ZMYM6: variants seen among roughly 807,000 people sequenced by gnomAD.
ZMYM6 encodes the protein zinc finger MYM-type protein 6.
ZMYM6 carries 90 observed loss-of-function variants against 134.0 expected under a neutral mutation model. The observed-to-expected ratio is 0.67, with a 90% confidence interval of 0.57 to 0.80. ZMYM6 has a LOEUF of 0.80. ZMYM6 is among the 30% of genes least tolerant of loss of function. The pLI, the probability that ZMYM6 is intolerant of heterozygous loss-of-function variation, is 0.00. For synonymous variants in ZMYM6, 481 were observed against 524.1 expected (o/e 0.92, Z 1.12); for missense variants, 1,362 against 1,533.9 (o/e 0.89, Z 1.87).
chr1:35,010,669 C>A, intron 9 of ZMYM6, 72 bp from the exon 10 acceptor site: 1 of 1,547,836 alleles, frequency 6.5e-7, no homozygotes, highest in Non-Finnish European at 8.7e-7. Context: ...CTTTTCATGT[C>A]AAAGCAAATT....
chr1:34,987,448 T>A lies in ZMYM6; in HGVS notation c.3634A>T (p.Asn1212Tyr). ...ATAAAAGGGTGAATTATCCACAAATTTCCTGAACGCAAGTCTTGTTCTGGT... is the reference window on the plus strand; with the variant it reads ...ATAAAAGGGTGAATTATCCACAAATATCCTGAACGCAAGTCTTGTTCTGGT... ...FPPEQDLRSG[N>Y]LWIIHPFMNH... Residue 1212 changes from asparagine (N) to tyrosine (Y), a missense_variant, in exon 16 of 16, where the codon AAT (asparagine) becomes TAT (tyrosine). By Grantham distance (143) the Asn-to-Tyr change is moderately radical (BLOSUM62 -2). Transcript: ENST00000357182. The A allele has an allele frequency of 6.2e-7, 1 of 1,613,912 alleles. No homozygotes were observed. Among genetic ancestry groups the A allele is most frequent in the Non-Finnish European group, 8.5e-7 (1 of 1,179,956 alleles).
chr1:35,028,500 T>A (rs1163961693), intron 2 of ZMYM6, among the ~76,000 whole-genome samples: 1 of 151,578 alleles, frequency 6.6e-6, no homozygotes, highest in Non-Finnish European at 1.5e-5. Context: ...TCCCATTGAT[T>A]TTATTTTATT....
chr1:35,012,505 T>C lies in ZMYM6; in HGVS notation c.872A>G (p.Asp291Gly). ...PSAEMIETTNDSGKTELFCSI... is the reference protein window; with the variant it reads ...PSAEMIETTNGSGKTELFCSI... ...GCAGAAAAGCTCTGTTTTTCCTGAA[T>C]CATTTGTAGTCTCAATCATTTCAGC... The change falls in exon 7 of 16, where the codon GAT (aspartate) becomes GGT (glycine). Residue 291 changes from aspartate (D) to glycine (G), a missense_variant. Transcript: ENST00000357182. 6.2e-7 allele frequency: 1 copy of C among 1,613,330 alleles called. No homozygotes were observed.
Position 34,987,898 on chromosome 1 carries a change from CA to C in ZMYM6, c.3183del (p.His1061GlnfsTer2). 6.4e-7 allele frequency: 1 copy of C among 1,551,708 alleles called. No homozygotes were observed. Among genetic ancestry groups the C allele is most frequent in the Non-Finnish European group, 8.7e-7 (1 of 1,146,984 alleles). On this transcript the variant is annotated frameshift_variant, in exon 16 of 16. Coordinates refer to ENST00000357182, the MANE Select transcript of ZMYM6 (RefSeq NM_007167.4). LOFTEE classifies it high-confidence loss of function. The stretch of plus-strand genomic sequence containing the variant: ...ACTTCAGCATGAAGCGGTAAACTCA[CA>C]TGCTCAGATCCCATCTCTTCACACA... Reference protein sequence around the residue: ...TILCEEMGSEHVSLPLHAEVR... With the variant: ...TILCEEMGSEXVSLPLHAEVR...
chr1:35,007,210 T>C, intron 11 of ZMYM6, 112 bp from the exon 12 acceptor site: 1 of 1,041,206 alleles, frequency 9.6e-7, no homozygotes, highest in Non-Finnish European at 1.3e-6. Context: ...CAGTTGAGAC[T>C]ACAAAATGTA....
intron 15 of ZMYM6, 148 bp from the exon 16 acceptor site, chr1:34,989,083 ATAC>A (rs1640622100): frequency 6.9e-7 from 1 of 1,438,872 alleles, no homozygotes; most frequent in African/African-American, 1.4e-5. Context: ...ACAAGTCATA[ATAC>A]TTCCAATGAT....
At position 35,030,617 on chromosome 1, in the gene ZMYM6, T is replaced by C; in HGVS notation, c.23A>G (p.Glu8Gly). The C allele has an allele frequency of 6.2e-7, 1 of 1,613,744 alleles. No individual in the cohort carries two copies. Among genetic ancestry groups the C allele is most frequent in the South Asian group, 1.1e-5 (1 of 91,000 alleles). ...CTGTGGTACCACTGCTTTGCCACAT[T>C]CACCATCCAAAGGTTCTTTCATTCT... Reference protein sequence around the residue: MKEPLDGECGKAVVPQQE... With the variant: MKEPLDGGCGKAVVPQQE... Residue 8 changes from glutamate (E) to glycine (G), a missense_variant, in exon 2 of 16, where the codon GAA becomes GGA. Physicochemically the swap from Glu to Gly is moderately conservative, Grantham distance 98 (BLOSUM62 -2). Coordinates refer to ENST00000357182, the MANE Select transcript of ZMYM6 (RefSeq NM_007167.4).
chr1:35,019,425 C>T lies in ZMYM6; in HGVS notation c.356G>A (p.Arg119Gln), dbSNP rs775201778. Reference protein sequence around the residue: ...TGSTQLFCSTRCITRHSSPAC... With the variant: ...TGSTQLFCSTQCITRHSSPAC... The stretch of plus-strand genomic sequence containing the variant: ...AGGTGAAGAATGTCTGGTGATGCAT[C>T]GTGTGGAGCAGAAGAGCTGAGTAGA... The change falls in exon 4 of 16, where the codon CGA becomes CAA. Residue 119 changes from arginine to glutamine, a missense_variant. This residue lies in a region of ZMYM6 where 503 missense variants were observed against 520.8 expected (regional missense o/e 0.97). Transcript: ENST00000357182. 2.5e-6 allele frequency: 4 copies of T among 1,613,946 alleles called. No individual in the cohort carries two copies. Among genetic ancestry groups the T allele is most frequent in the East Asian group, 2.2e-5 (1 of 44,886 alleles).
chr1:35,014,282 T>C (rs549746241), intron 6 of ZMYM6, among the ~76,000 whole-genome samples: 1 of 152,292 alleles, frequency 6.6e-6, no homozygotes. Context: ...TCACAAAATA[T>C]TTCATGCTCA....
At chr1:35,025,726 A>G (rs1178870750) in intron 2 of ZMYM6, among the ~76,000 whole-genome samples, 1 of 152,098 alleles carries the variant, frequency 6.6e-6, no homozygotes, top group East Asian at 1.9e-4. Flanking sequence ...AGTAACTAAT[A>G]CAGTTTACCA....
intron 2 of ZMYM6, among the ~76,000 whole-genome samples, chr1:35,022,655 A>T (rs1641331403): frequency 6.6e-6 from 1 of 152,232 alleles, no homozygotes; most frequent in Non-Finnish European, 1.5e-5. Context: ...GGTCCAACTG[A>T]AATTAAGTTC....
At chr1:35,017,825 C>T (rs779546572) in intron 4 of ZMYM6, 2 of 151,936 alleles carry the variant, frequency 1.3e-5, no homozygotes, top group Non-Finnish European at 2.9e-5. Flanking sequence ...AAGTCACTGA[C>T]GGGGGTGACT....
At chr1:35,013,441 CAG>C (rs1641125210) in intron 6 of ZMYM6, 1 of 983,886 alleles carries the variant, frequency 1.0e-6, no homozygotes. Flanking sequence ...AGTAAAAAGA[CAG>C]AGTACAATAC....
chr1:34,999,763 G>A (rs181077223), intron 14 of ZMYM6, among the ~76,000 whole-genome samples: 145 of 152,168 alleles, frequency 9.5e-4, no homozygotes, highest in African/African-American at 3.0e-3. Flanking sequence ...CTAAATGATG[G>A]TGAGGCTGTA....
Position 35,021,544 on chromosome 1 carries a change from C to T in ZMYM6, c.94-1077G>A, listed in dbSNP as rs138525942. ...CTGAGGCAGGAGAATCACTTGAACC[C>T]GGGAGGAGGAGGCTGCAGTAAGCCA... On this transcript the variant is annotated intron_variant, in intron 2 of 15. Transcript: ENST00000357182. Among the ~76,000 whole-genome samples, 975 of 151,268 alleles carry T rather than the reference C, an allele frequency of 6.4e-3. 8 individuals carry two copies. Among genetic ancestry groups the T allele is most frequent in the African/African-American group, 0.023 (940 of 41,252 alleles).
At chr1:35,021,918 A>G (rs1641319394) in intron 2 of ZMYM6, among the ~76,000 whole-genome samples, 1 of 152,200 alleles carries the variant, frequency 6.6e-6, no homozygotes, top group African/African-American at 2.4e-5. Flanking sequence ...ATACCCTTAC[A>G]TATTTCAAAA....
chr1:35,018,921 C>T (rs948268594), intron 4 of ZMYM6: 2 of 191,302 alleles, frequency 1.0e-5, no homozygotes, highest in South Asian at 1.4e-4. Flanking sequence ...CCCACAAGGA[C>T]ATTAGAAATA....
At position 35,030,581 on chromosome 1, in the gene ZMYM6, A is replaced by G; in HGVS notation, c.59T>C (p.Leu20Pro). ...GTCTGGTTCTTCTTTAATTTTGTCC[A>G]GAAGCTCCTGCTGTGGTACCACTGC... is the stretch of plus-strand genomic sequence containing the variant. ...GKAVVPQQEL[L>P]DKIKEEPDNA... is the part of the protein sequence containing the mutation. The change falls in exon 2 of 16, where the codon CTG becomes CCG. Residue 20 changes from leucine to proline, a missense_variant. Around this residue, in one of 3 missense-constraint regions of ZMYM6, gnomAD observed 503 missense variants for 520.8 expected, o/e 0.97. Transcript: ENST00000357182. 1.2e-6 allele frequency: 2 copies of G among 1,613,382 alleles called. No individual in the cohort carries two copies. Among genetic ancestry groups the G allele is most frequent in the Non-Finnish European group, 1.7e-6 (2 of 1,179,952 alleles).
chr1:35,030,688 C>T lies in ZMYM6; in HGVS notation c.-49G>A. ...GTCTCAGGCTCAAACGAATAGATTT[C>T]TTCTTGGTAATGGATAGTTGGACAC... On this transcript the variant is annotated 5_prime_UTR_variant, in exon 2 of 16. Transcript: ENST00000357182. 1 of 1,556,068 alleles carries T rather than the reference C, an allele frequency of 6.4e-7. No homozygotes were observed. Among genetic ancestry groups the T allele is most frequent in the Non-Finnish European group, 8.8e-7 (1 of 1,138,604 alleles).
Sources: allele counts gnomAD v4.1 joint callset (sites outside exome capture counted in the v4.1 genomes callset), GRCh38; gene constraint gnomAD v4.1.1; regional missense constraint gnomAD v4.1.1; transcripts MANE v1.5; gene names NCBI Gene and HGNC (gene_info 2026-07-23, HGNC 2026-07-21).